Variants in SGCG observed in about 807,000 individuals in gnomAD.
SGCG encodes the protein sarcoglycan gamma, also known as gamma-sarcoglycan.
SGCG carries 26 observed loss-of-function variants against 29.3 expected under a neutral mutation model. That is an observed-to-expected ratio of 0.89 (90% CI 0.65 to 1.23). The LOEUF (loss-of-function observed/expected upper bound fraction) is 1.23, where lower values mean the gene tolerates loss of function less well. Ranked by LOEUF, SGCG falls within the 50% of genes most tolerant of loss-of-function variation. SGCG has a pLI of 0.00. For missense variants in SGCG, 353 were observed against 356.0 expected, an observed-to-expected ratio of 0.99 and a Z score of 0.07; for synonymous variants, 145 against 129.7, an observed-to-expected ratio of 1.12 and a Z score of -0.80.
At chr13:23,235,091 G>A (rs1162558905) in intron 3 of SGCG, among the ~76,000 whole-genome samples, 1 of 152,184 alleles carries the variant, frequency 6.6e-6, no homozygotes, top group East Asian at 1.9e-4. Flanking sequence ...CGTTTCAGCT[G>A]GGCGCGGTGG....
At chr13:23,246,652 C>T (rs974059267) in intron 3 of SGCG, 14 of 217,586 alleles carry the variant, frequency 6.4e-5, no homozygotes, top group African/African-American at 2.8e-4. Context: ...CCTTACAACA[C>T]CCCAAGTCTG....
At chr13:23,194,806 G>T (rs1184478129) in intron 1 of SGCG, among the ~76,000 whole-genome samples, 1 of 152,166 alleles carries the variant, frequency 6.6e-6, no homozygotes, top group African/African-American at 2.4e-5. Flanking sequence ...GCTGAGGAGT[G>T]TTCTAGGGAC....
chr13:23,281,210 C>T (rs981141224), intron 5 of SGCG, among the ~76,000 whole-genome samples: 7 of 151,976 alleles, frequency 4.6e-5, no homozygotes, highest in Non-Finnish European at 8.8e-5. Context: ...CGTAGTGGTG[C>T]GTGCCTGTGG....
intron 6 of SGCG, among the ~76,000 whole-genome samples, chr13:23,311,797 C>T (rs1882608342): frequency 2.0e-5 from 3 of 152,164 alleles, no homozygotes; most frequent in African/African-American, 2.4e-5. Flanking sequence ...TCTAATTTCT[C>T]AAATTAGAAA....
chr13:23,269,575 C>G (rs1880778148), intron 4 of SGCG, among the ~76,000 whole-genome samples: 1 of 152,134 alleles, frequency 6.6e-6, no homozygotes, highest in Non-Finnish European at 1.5e-5. Context: ...TATATGTTTT[C>G]TTAGGCTCCC....
At chr13:23,162,497 G>A in the SGCG span, among the ~76,000 whole-genome samples, 4 of 152,090 alleles carry the variant, frequency 2.6e-5, no homozygotes, top group Admixed American at 6.5e-5. Flanking sequence ...GTGGTGGCAG[G>A]CGCCTGTAGT....
intron 1 of SGCG, among the ~76,000 whole-genome samples, chr13:23,191,568 A>C (rs573434620): frequency 9.1e-5 from 12 of 131,534 alleles, no homozygotes; most frequent in African/African-American, 3.0e-4. Flanking sequence ...TGTGAGGAGA[A>C]GCCCGCCATT....
At chr13:23,194,971 A>G (rs985143975) in intron 1 of SGCG, among the ~76,000 whole-genome samples, 1 of 152,226 alleles carries the variant, frequency 6.6e-6, no homozygotes, top group Non-Finnish European at 1.5e-5. Flanking sequence ...CAGTTCCTCC[A>G]TATAGTTCTT....
chr13:23,281,420 C>T lies in SGCG; in HGVS notation c.505+1942C>T, dbSNP rs866222403. Among the ~76,000 whole-genome samples the T allele has an allele frequency of 4.6e-5, 7 of 151,978 alleles. 1 individual carries two copies. Among genetic ancestry groups the T allele is most frequent in the African/African-American group, 1.7e-4 (7 of 41,362 alleles). ...CTCATCCCCAGAGCTTCTGATTCAG[C>T]AGGTCTGAAATGTGACTTGAGAATC... On this transcript the variant is annotated intron_variant, in intron 5 of 7. Transcript: ENST00000218867.
intron 3 of SGCG, among the ~76,000 whole-genome samples, chr13:23,243,342 C>G (rs1330978427): frequency 6.6e-6 from 1 of 152,102 alleles, no homozygotes; most frequent in Non-Finnish European, 1.5e-5. Context: ...GACACACAGC[C>G]GGGAAATGTG....
At chr13:23,258,782 T>G (rs1880304052) in intron 4 of SGCG, among the ~76,000 whole-genome samples, 3 of 152,182 alleles carry the variant, frequency 2.0e-5, no homozygotes, top group Admixed American at 2.0e-4. Flanking sequence ...GTCGAAGGCC[T>G]TTTCTGCATC....
At chr13:23,171,598 C>T in the SGCG span, among the ~76,000 whole-genome samples, 212 of 152,234 alleles carry the variant, frequency 1.4e-3, no homozygotes, top group African/African-American at 4.7e-3. Context: ...CTTTTTGGCA[C>T]CAGAGACCAG....
intron 1 of SGCG, among the ~76,000 whole-genome samples, chr13:23,183,725 G>C (rs1053720202): frequency 2.0e-5 from 3 of 152,130 alleles, no homozygotes; most frequent in Non-Finnish European, 4.4e-5. Context: ...CTGGAGTGCA[G>C]TGGCATGATC....
Position 23,190,885 on chromosome 13 carries a change from G to A in SGCG, c.-1+9810G>A, listed in dbSNP as rs74926956. Among the ~76,000 whole-genome samples the A allele has an allele frequency of 7.7e-3, 1,168 of 152,218 alleles. 18 individuals are homozygous for A. The highest frequency in any genetic ancestry group is 0.026 in the African/African-American group (1,078 of 41,550). ...TAATAAATGGCCCTGTAAAATCCTC[G>A]TGTGTTAAAGAGTTTTTTGAATAAT... On this transcript the variant is annotated intron_variant, in intron 1 of 7. Transcript: ENST00000218867.
chr13:23,216,222 C>T (rs1207274736), intron 2 of SGCG, among the ~76,000 whole-genome samples: 2 of 152,066 alleles, frequency 1.3e-5, no homozygotes, highest in Non-Finnish European at 2.9e-5. Flanking sequence ...ATTCAGAACC[C>T]CTGAATTTGT....
the SGCG span, among the ~76,000 whole-genome samples, chr13:23,163,150 T>C: frequency 2.0e-5 from 3 of 152,338 alleles, no homozygotes; most frequent in African/African-American, 7.2e-5. Context: ...AACAATACAA[T>C]GTTTTCTATA....
intron 4 of SGCG, among the ~76,000 whole-genome samples, chr13:23,274,373 G>A (rs1880981523): frequency 8.5e-6 from 1 of 117,128 alleles, no homozygotes; most frequent in South Asian, 3.2e-4. Flanking sequence ...ATGCAAGGGT[G>A]TGTTTTTCTT....
chr13:23,228,859 C>A (rs1295444192), intron 2 of SGCG, among the ~76,000 whole-genome samples: 1 of 152,062 alleles, frequency 6.6e-6, no homozygotes, highest in Non-Finnish European at 1.5e-5. Flanking sequence ...TTTTCCTTAT[C>A]CAGTCTACTG....
chr13:23,259,020 C>G (rs569850063), intron 4 of SGCG, among the ~76,000 whole-genome samples: 81 of 152,010 alleles, frequency 5.3e-4, no homozygotes, highest in Non-Finnish European at 9.7e-4. Flanking sequence ...TTTGTTGTGT[C>G]TCTGCCAGGC....
Sources: allele counts gnomAD v4.1 joint callset (sites outside exome capture counted in the v4.1 genomes callset), GRCh38; gene constraint gnomAD v4.1.1; transcripts MANE v1.5; gene names NCBI Gene and HGNC (gene_info 2026-07-23, HGNC 2026-07-21).